SH3RF2: variants seen among roughly 807,000 people sequenced by gnomAD.
The protein encoded by SH3RF2 is SH3 domain containing ring finger 2, also known as E3 ubiquitin-protein ligase SH3RF2.
A neutral mutation model predicts 59.0 loss-of-function variants in SH3RF2; 43 were observed. The observed-to-expected ratio is 0.73, with a 90% confidence interval of 0.57 to 0.94. The LOEUF is 0.94. SH3RF2 is among the 40% of genes least tolerant of loss of function. The pLI, the probability that SH3RF2 is intolerant of heterozygous loss-of-function variation, is 0.00. For synonymous variants in SH3RF2, 391 were observed against 391.5 expected, an observed-to-expected ratio of 1.00 and a Z score of 0.01; for missense variants, 930 against 940.1, an observed-to-expected ratio of 0.99 and a Z score of 0.14.
chr5:146,020,420 A>C (rs1761274873), intron 5 of SH3RF2, among the ~76,000 whole-genome samples: 1 of 152,184 alleles, frequency 6.6e-6, no homozygotes, highest in Non-Finnish European at 1.5e-5. Context: ...GGCAATGAAC[A>C]AATGTTTTTT....
downstream of SH3RF2, among the ~76,000 whole-genome samples, chr5:146,064,848 G>GAA (rs1383075328): frequency 5.9e-5 from 1 of 16,942 alleles, no homozygotes; most frequent in African/African-American, 6.9e-5. Context: ...AAGAAAGAAA[G>GAA]AAAGAAAGAA....
At chr5:145,969,492 C>G (rs1218661303) in intron 2 of SH3RF2, among the ~76,000 whole-genome samples, 1 of 152,098 alleles carries the variant, frequency 6.6e-6, no homozygotes, top group East Asian at 1.9e-4. Context: ...GGAAAAGAGG[C>G]AGAGGGCAGA....
At chr5:145,989,974 T>C (rs1263166396) in intron 2 of SH3RF2, among the ~76,000 whole-genome samples, 1 of 152,216 alleles carries the variant, frequency 6.6e-6, no homozygotes, top group Non-Finnish European at 1.5e-5. Context: ...GGATATTACA[T>C]TTTTATGAAG....
intron 2 of SH3RF2, among the ~76,000 whole-genome samples, chr5:145,959,594 A>C (rs548193348): frequency 6.6e-6 from 1 of 151,886 alleles, no homozygotes; most frequent in Non-Finnish European, 1.5e-5. Flanking sequence ...TGCAAACAAT[A>C]AAATCTACTG....
chr5:146,026,804 G>A (rs931029252), intron 5 of SH3RF2, among the ~76,000 whole-genome samples: 8 of 152,128 alleles, frequency 5.3e-5, no homozygotes, highest in African/African-American at 1.2e-4. Flanking sequence ...ACTTTACTCC[G>A]TCTGAGCCTC....
intron 2 of SH3RF2, among the ~76,000 whole-genome samples, chr5:145,981,545 A>G (rs1203849238): frequency 2.0e-5 from 3 of 152,198 alleles, no homozygotes; most frequent in East Asian, 1.9e-4. Flanking sequence ...CAGTTTATTT[A>G]TTAGAGAGAT....
At position 146,026,545 on chromosome 5, in the gene SH3RF2, C is replaced by T. The variant is rs112550194; in HGVS notation, c.1059+12484C>T. Among the ~76,000 whole-genome samples, 110 of 152,124 alleles carry T rather than the reference C, an allele frequency of 7.2e-4. 1 individual carries two copies. The highest frequency in any genetic ancestry group is 7.4e-4 in the Non-Finnish European group (50 of 68,024). On this transcript the variant is annotated intron_variant, in intron 5 of 9. Coordinates refer to ENST00000359120, the MANE Select transcript of SH3RF2 (RefSeq NM_152550.4). Reference sequence around the variant, plus strand: ...GAGCTGTTTCTATTATTTAATGAATCATGGTTATTGTTGTGATTCTTCCTG... The same window carrying T: ...GAGCTGTTTCTATTATTTAATGAATTATGGTTATTGTTGTGATTCTTCCTG...
chr5:145,944,043 G>A (rs1757919439), intron 2 of SH3RF2, among the ~76,000 whole-genome samples: 1 of 152,144 alleles, frequency 6.6e-6, no homozygotes, highest in Admixed American at 6.5e-5. Flanking sequence ...TGCCAGCACT[G>A]TTACATCACT....
At chr5:145,982,809 T>C (rs1352574913) in intron 2 of SH3RF2, among the ~76,000 whole-genome samples, 1 of 152,148 alleles carries the variant, frequency 6.6e-6, no homozygotes, top group Non-Finnish European at 1.5e-5. Flanking sequence ...GACCCTGACA[T>C]GGACATTCAG....
chr5:145,984,203 G>A (rs1230922042), intron 2 of SH3RF2, among the ~76,000 whole-genome samples: 1 of 152,104 alleles, frequency 6.6e-6, no homozygotes. Flanking sequence ...ATGAGTAGAC[G>A]TAGCAAGTAT....
chr5:146,011,099 G>C (rs1340996247), intron 4 of SH3RF2, among the ~76,000 whole-genome samples: 1 of 152,068 alleles, frequency 6.6e-6, no homozygotes, highest in Non-Finnish European at 1.5e-5. Context: ...TCTACATATG[G>C]CTAGCCAGTT....
intron 2 of SH3RF2, among the ~76,000 whole-genome samples, chr5:145,952,082 T>C (rs757062468): frequency 6.6e-6 from 1 of 152,218 alleles, no homozygotes; most frequent in Non-Finnish European, 1.5e-5. Flanking sequence ...TAAATGCACT[T>C]AGCACATGTT....
intron 5 of SH3RF2, among the ~76,000 whole-genome samples, chr5:146,044,171 G>C (rs1476135545): frequency 7.5e-5 from 11 of 145,758 alleles, no homozygotes; most frequent in Non-Finnish European, 7.5e-5. Context: ...TTGTTTTTAA[G>C]ACAGAGTCTC....
At chr5:146,054,681 C>A (rs1762609105) in intron 7 of SH3RF2, among the ~76,000 whole-genome samples, 1 of 152,206 alleles carries the variant, frequency 6.6e-6, no homozygotes, top group African/African-American at 2.4e-5. Context: ...GCAGCACTGA[C>A]CACAATTAAA....
At chr5:146,034,604 A>G (rs1027080973) in intron 5 of SH3RF2, among the ~76,000 whole-genome samples, 2 of 152,148 alleles carry the variant, frequency 1.3e-5, no homozygotes, top group Non-Finnish European at 2.9e-5. Flanking sequence ...TAATCCTATG[A>G]GAAGGAAAAA....
chr5:146,022,450 G>T (rs1189438283), intron 5 of SH3RF2, among the ~76,000 whole-genome samples: 1 of 152,142 alleles, frequency 6.6e-6, no homozygotes, highest in Non-Finnish European at 1.5e-5. Flanking sequence ...CAAGTGATCT[G>T]CCCACCTTGC....
At chr5:146,046,790 G>T (rs531831655) in intron 5 of SH3RF2, among the ~76,000 whole-genome samples, 3 of 151,664 alleles carry the variant, frequency 2.0e-5, no homozygotes, top group South Asian at 2.1e-4. Context: ...TTGAGATAGG[G>T]TCTCACTCTT....
chr5:145,981,030 A>G (rs1759487523), intron 2 of SH3RF2, among the ~76,000 whole-genome samples: 2 of 152,200 alleles, frequency 1.3e-5, no homozygotes, highest in Admixed American at 1.3e-4. Context: ...CAACATCATT[A>G]TCACATCTAA....
At chr5:146,072,446 G>A (rs1763258110) in intron 9 of SH3RF2, among the ~76,000 whole-genome samples, 1 of 152,180 alleles carries the variant, frequency 6.6e-6, no homozygotes, top group Admixed American at 6.5e-5. Context: ...GCTGAGGCAG[G>A]CGGATCACAA....
Sources: allele counts gnomAD v4.1 joint callset (sites outside exome capture counted in the v4.1 genomes callset), GRCh38; gene constraint gnomAD v4.1.1; transcripts MANE v1.5; gene names NCBI Gene and HGNC (gene_info 2026-07-23, HGNC 2026-07-21).